SOCS2: variants seen among roughly 807,000 people sequenced by gnomAD.
The protein encoded by SOCS2 is suppressor of cytokine signaling 2, also known as CIS-2.
SOCS2 carries 10 observed loss-of-function variants against 18.6 expected under a neutral mutation model. The ratio of observed to expected loss-of-function variants is 0.54; its 90% CI spans 0.33 to 0.91. The LOEUF is 0.91. SOCS2 is among the 40% of genes least tolerant of loss of function. The pLI is 0.02. For synonymous variants in SOCS2, 104 were observed against 104.0 expected (o/e 1.00, Z 0.00); for missense variants, 231 against 247.2 (o/e 0.93, Z 0.44).
downstream of SOCS2, among the ~76,000 whole-genome samples, chr12:93,588,261 T>C (rs533946252): frequency 1.3e-5 from 2 of 152,336 alleles, no homozygotes; most frequent in South Asian, 4.1e-4. Flanking sequence ...TTTCAAAATA[T>C]CTTTTACACT....
the SOCS2 span, among the ~76,000 whole-genome samples, chr12:93,595,224 C>T: frequency 6.6e-6 from 1 of 151,996 alleles, no homozygotes; most frequent in Non-Finnish European, 1.5e-5. Context: ...TTACTGAGTT[C>T]CACACTGATA....
rs1249001454 is a variant in SOCS2, at chr12:93,575,018, G to T, written c.436G>T (p.Gly146Cys). The change falls in exon 2 of 2, where the codon GGC becomes TGC. Residue 146 changes from glycine (G) to cysteine (C), a missense_variant. Gly to Cys is a radical substitution (Grantham distance 159, BLOSUM62 -3). This residue lies in a region of SOCS2 where 122 missense variants were observed against 127.2 expected (regional missense o/e 0.96). Coordinates refer to ENST00000551556, the MANE Select transcript of SOCS2 (RefSeq NM_001270471.2). ...GACAGGTCCAGAAGCCCCCCGGAAC[G>T]GCACTGTTCACCTTTATCTGACCAA... ...KRTGPEAPRN[G>C]TVHLYLTKPL... The T allele has an allele frequency of 1.2e-6, 2 of 1,614,086 alleles. No homozygotes were observed. Among genetic ancestry groups the T allele is most frequent in the Non-Finnish European group, 1.7e-6 (2 of 1,180,004 alleles).
chr12:93,572,643 G>T, upstream of SOCS2: 1 of 690,314 alleles, frequency 1.4e-6, no homozygotes, highest in Non-Finnish European at 2.6e-6. The surrounding 1 kb of genome is among the most constrained non-coding windows in gnomAD (Gnocchi z 5.0). Flanking sequence ...AGCCGCAGGG[G>T]TCCAGTTTGG....
At chr12:93,577,538 C>T (rs1954483745), downstream of SOCS2, among the ~76,000 whole-genome samples, 1 of 150,310 alleles carries the variant, frequency 6.7e-6, no homozygotes, top group African/African-American at 2.4e-5. Context: ...TTTTTTTCCC[C>T]CGGGAGAGGA....
chr12:93,622,111 A>G, the SOCS2 span, among the ~76,000 whole-genome samples: 1 of 152,206 alleles, frequency 6.6e-6, no homozygotes, highest in Non-Finnish European at 1.5e-5. Flanking sequence ...TTGAGCCAAC[A>G]TTTAAAACTC....
At chr12:93,590,551 C>G in the SOCS2 span, among the ~76,000 whole-genome samples, 4 of 151,616 alleles carry the variant, frequency 2.6e-5, no homozygotes, top group African/African-American at 9.7e-5. Flanking sequence ...AATCCCAGCA[C>G]TTTGGGAGGC....
chr12:93,597,699 T>C, the SOCS2 span, among the ~76,000 whole-genome samples: 4 of 152,256 alleles, frequency 2.6e-5, no homozygotes, highest in Non-Finnish European at 5.9e-5. Context: ...ACAATACTTA[T>C]GTAATCACCA....
At chr12:93,578,045 G>C (rs574920979), downstream of SOCS2, among the ~76,000 whole-genome samples, 1 of 152,314 alleles carries the variant, frequency 6.6e-6, no homozygotes, top group African/African-American at 2.4e-5. Flanking sequence ...CTCAGTTTCT[G>C]TTCTGGGCAG....
the SOCS2 span, among the ~76,000 whole-genome samples, chr12:93,589,476 G>T: frequency 6.6e-6 from 1 of 152,276 alleles, no homozygotes; most frequent in South Asian, 2.1e-4. Flanking sequence ...TTTAGTGATG[G>T]TGGGTTAAAT....
At chr12:93,607,230 C>G in the SOCS2 span, among the ~76,000 whole-genome samples, 2 of 152,144 alleles carry the variant, frequency 1.3e-5, no homozygotes, top group Admixed American at 1.3e-4. Context: ...TAAAAGATGG[C>G]AGATTTTCTA....
chr12:93,611,897 C>T, the SOCS2 span, among the ~76,000 whole-genome samples: 12 of 152,010 alleles, frequency 7.9e-5, no homozygotes, highest in East Asian at 1.7e-3. Flanking sequence ...AGGAGGCCTC[C>T]GTTGGTTTGC....
At chr12:93,614,540 CTTCTTTCTTTCT>C in the SOCS2 span, among the ~76,000 whole-genome samples, 73 of 37,134 alleles carry the variant, frequency 2.0e-3, 3 homozygotes, top group African/African-American at 2.3e-3. Flanking sequence ...TCCTTCCTTC[CTTCTTTCTTTCT>C]TTCTTTCTTT....
chr12:93,574,824 T>C lies in SOCS2; in HGVS notation c.242T>C (p.Leu81Pro). The change falls in exon 2 of 2, where the codon CTA becomes CCA. Residue 81 changes from leucine (L) to proline (P), a missense_variant. By Grantham distance (98) the Leu-to-Pro change is moderately conservative. Around this residue, in one of 3 missense-constraint regions of SOCS2, gnomAD observed 106 missense variants for 103.8 expected, o/e 1.02. Transcript: ENST00000551556. ...LIRDSSHSDYLLTISVKTSAG... is the reference protein window; with the variant it reads ...LIRDSSHSDYPLTISVKTSAG... The stretch of plus-strand genomic sequence containing the variant: ...AGAGATAGCTCGCATTCAGACTACC[T>C]ACTAACAATATCTGTTAAAACATCA... 1.2e-6 allele frequency: 2 copies of C among 1,614,194 alleles called. No homozygotes were observed. The highest frequency in any genetic ancestry group is 2.2e-5 in the South Asian group (2 of 91,082).
downstream of SOCS2, among the ~76,000 whole-genome samples, chr12:93,577,564 T>G (rs1954484210): frequency 6.6e-6 from 1 of 151,480 alleles, no homozygotes; most frequent in Non-Finnish European, 1.5e-5. Flanking sequence ...GAAGAGCAAA[T>G]TGCTGCTGAA....
the SOCS2 span, among the ~76,000 whole-genome samples, chr12:93,602,754 G>C: frequency 6.6e-6 from 1 of 152,082 alleles, no homozygotes; most frequent in East Asian, 1.9e-4. Context: ...AGGAAAGAAG[G>C]GGGCTCTTTC....
Position 93,576,162 on chromosome 12 carries a change from T to TATTTG in SOCS2, c.*987_*991dup, listed in dbSNP as rs1473656948. ...CAAAGTGTTTATTTACTGCTGTTACTATTTGATTAGAATGTATTAAATAAA... is the reference window on the plus strand; with the variant it reads ...CAAAGTGTTTATTTACTGCTGTTACTATTTGATTTGATTAGAATGTATTAAATAAA... On this transcript the variant is annotated 3_prime_UTR_variant, in exon 2 of 2. Transcript: ENST00000551556. The TATTTG allele has an allele frequency of 6.5e-6, 1 of 152,682 alleles. No individual in the cohort carries two copies. Among genetic ancestry groups the TATTTG allele is most frequent in the African/African-American group, 2.4e-5 (1 of 41,462 alleles). The allele number at this position is 152,682 out of a possible 1,614,324, so 9.5% of individuals were successfully genotyped here. A position where few individuals can be genotyped will look rare whatever the true frequency, so the allele number is the denominator to read the frequency against.
At chr12:93,614,046 G>A in the SOCS2 span, among the ~76,000 whole-genome samples, 1 of 152,012 alleles carries the variant, frequency 6.6e-6, no homozygotes, top group African/African-American at 2.4e-5. Flanking sequence ...ACTTTACTTG[G>A]AATGGACTGA....
the SOCS2 span, among the ~76,000 whole-genome samples, chr12:93,624,211 A>G: frequency 6.6e-6 from 1 of 152,180 alleles, no homozygotes; most frequent in Non-Finnish European, 1.5e-5. Context: ...AGCAAAGACT[A>G]GGCCCTCACC....
chr12:93,583,727 A>AGTTGCCTGTCT (rs1380199421), downstream of SOCS2, among the ~76,000 whole-genome samples: 2 of 152,218 alleles, frequency 1.3e-5, no homozygotes, highest in East Asian at 3.8e-4. Context: ...ACCATTCTAT[A>AGTTGCCTGTCT]ACAGACCAAC....
Sources: allele counts gnomAD v4.1 joint callset (sites outside exome capture counted in the v4.1 genomes callset), GRCh38; gene constraint gnomAD v4.1.1; regional missense constraint gnomAD v4.1.1; non-coding constraint Gnocchi (gnomAD v3.1); transcripts MANE v1.5; gene names NCBI Gene and HGNC (gene_info 2026-07-23, HGNC 2026-07-21).